HPD: variants seen among roughly 807,000 people sequenced by gnomAD.
HPD encodes 4-hydroxyphenylpyruvic acid oxidase.
Under a neutral mutation model 56.9 loss-of-function variants are expected in HPD, and 35 were observed. That is an observed-to-expected ratio of 0.62 (90% CI 0.47 to 0.82). The LOEUF is 0.82. Ranked by LOEUF, HPD falls within the 40% of genes least tolerant of loss-of-function variation. The pLI is 0.00. For synonymous variants in HPD, 186 were observed against 200.2 expected, an observed-to-expected ratio of 0.93 and a Z score of 0.60; for missense variants, 442 against 506.8, an observed-to-expected ratio of 0.87 and a Z score of 1.23.
At chr12:121,879,666 C>T in the HPD span, among the ~76,000 whole-genome samples, 3 of 152,070 alleles carry the variant, frequency 2.0e-5, no homozygotes, top group East Asian at 3.8e-4. Flanking sequence ...CACCACCATG[C>T]CTGGCCCACA....
chr12:121,864,180 G>C (rs1013200966), upstream of HPD, among the ~76,000 whole-genome samples: 4 of 151,794 alleles, frequency 2.6e-5, no homozygotes, highest in African/African-American at 9.7e-5. Context: ...CGGGAGGCAG[G>C]GTTCATTGAG....
the HPD span, among the ~76,000 whole-genome samples, chr12:121,878,389 C>T: frequency 6.6e-6 from 1 of 152,168 alleles, no homozygotes; most frequent in African/African-American, 2.4e-5. Context: ...CACTCTGTCG[C>T]CCAGGCTGGG....
chr12:121,873,358 G>C, the HPD span, among the ~76,000 whole-genome samples: 1 of 152,142 alleles, frequency 6.6e-6, no homozygotes, highest in Non-Finnish European at 1.5e-5. Flanking sequence ...TTGAGCAAGG[G>C]AGTAGAGAGG....
chr12:121,865,855 G>A (rs539221554), upstream of HPD, among the ~76,000 whole-genome samples: 3 of 151,886 alleles, frequency 2.0e-5, no homozygotes, highest in Admixed American at 1.3e-4. Context: ...TGGGCGTAGT[G>A]TTGGGCGCCT....
chr12:121,854,941 T>C (rs1187470622), intron 6 of HPD, 149 bp from the exon 7 acceptor site: 2 of 698,008 alleles, frequency 2.9e-6, no homozygotes, highest in East Asian at 5.5e-5. Context: ...GCTTCAGCCA[T>C]TACCCCCAAT....
chr12:121,861,783 A>G (rs1237346550), upstream of HPD, among the ~76,000 whole-genome samples: 2 of 152,214 alleles, frequency 1.3e-5, no homozygotes, highest in Non-Finnish European at 2.9e-5. Context: ...ACAGACTTAA[A>G]GGGCTTAAGA....
At chr12:121,855,850 A>T (rs1341825612) in intron 6 of HPD, among the ~76,000 whole-genome samples, 1 of 151,842 alleles carries the variant, frequency 6.6e-6, no homozygotes, top group Non-Finnish European at 1.5e-5. Flanking sequence ...CATGCCTGTA[A>T]TCCTAGCTAC....
intron 12 of HPD, among the ~76,000 whole-genome samples, chr12:121,840,992 G>A (rs1353600574): frequency 6.6e-6 from 1 of 151,914 alleles, no homozygotes; most frequent in Non-Finnish European, 1.5e-5. Context: ...TCAGGAGTTC[G>A]AGACCAGCCT....
the HPD span, among the ~76,000 whole-genome samples, chr12:121,882,096 T>C: frequency 6.6e-6 from 1 of 151,892 alleles, no homozygotes; most frequent in Non-Finnish European, 1.5e-5. Flanking sequence ...AAGCAACTAA[T>C]TTACAATTCT....
the HPD span, among the ~76,000 whole-genome samples, chr12:121,878,004 G>A: frequency 6.6e-6 from 1 of 152,186 alleles, no homozygotes; most frequent in Non-Finnish European, 1.5e-5. Flanking sequence ...GCAGACTGGT[G>A]GCTGCCGGGC....
intron 7 of HPD, among the ~76,000 whole-genome samples, chr12:121,850,291 G>A (rs886371568): frequency 3.3e-5 from 5 of 151,628 alleles, no homozygotes; most frequent in African/African-American, 7.3e-5. Context: ...GTGTGGTGGC[G>A]TGGCGGGTGC....
Position 121,840,091 on chromosome 12 carries a change from G to T in HPD, c.955-43C>A, listed in dbSNP as rs752739025. 3.7e-6 allele frequency: 5 copies of T among 1,346,682 alleles called. No homozygotes were observed. The South Asian group carries it at 5.8e-5, about 16-fold the overall frequency. The allele number at this position is 1,346,682 out of a possible 1,614,324, so 83.4% of individuals were successfully genotyped here. ...GGCTCTGCTAGGGGAGGCTGGCACG[G>T]TGAGATCCTTGGAAAGTCCACAGGG... is the stretch of plus-strand genomic sequence containing the variant. On this transcript the variant is annotated intron_variant, in intron 12 of 13. Transcript: ENST00000289004.
upstream of HPD, among the ~76,000 whole-genome samples, chr12:121,864,570 A>AAG (rs1878271924): frequency 6.9e-6 from 1 of 145,620 alleles, no homozygotes; most frequent in African/African-American, 2.6e-5. Context: ...AAAAAAAAAA[A>AAG]TGGCCGGGCG....
the HPD span, among the ~76,000 whole-genome samples, chr12:121,877,399 C>T: frequency 6.6e-6 from 1 of 152,220 alleles, no homozygotes; most frequent in East Asian, 1.9e-4. Context: ...CTGCTGGCCA[C>T]AGACCTGAAA....
At chr12:121,852,512 G>T (rs768608848) in intron 7 of HPD, among the ~76,000 whole-genome samples, 4 of 149,826 alleles carry the variant, frequency 2.7e-5, no homozygotes, top group Non-Finnish European at 5.9e-5. Flanking sequence ...AGCTATGATT[G>T]TCTCTGTATT....
chr12:121,888,358 C>A, the HPD span, among the ~76,000 whole-genome samples: 42 of 152,084 alleles, frequency 2.8e-4, no homozygotes, highest in Admixed American at 5.9e-4. Flanking sequence ...CACAGATTGC[C>A]GTTAAGTGGC....
At position 121,857,832 on chromosome 12, in the gene HPD, A is replaced by G. The variant is rs1878061863; in HGVS notation, c.31-13T>C. 6.2e-7 allele frequency: 1 copy of G among 1,610,998 alleles called. No individual in the cohort carries two copies. Among genetic ancestry groups the G allele is most frequent in the Non-Finnish European group, 8.5e-7 (1 of 1,177,360 alleles). On this transcript the variant is annotated splice_polypyrimidine_tract_variant and intron_variant, in intron 2 of 13. Transcript: ENST00000289004. ...GGCCTCTCTCAGGCTGCAGAAGGAG[A>G]GAAGAGGTGAGGTTGAGTCCCTGAA...
chr12:121,869,811 C>T, the HPD span, among the ~76,000 whole-genome samples: 1 of 152,224 alleles, frequency 6.6e-6, no homozygotes, highest in African/African-American at 2.4e-5. Flanking sequence ...TGGCGTGAGC[C>T]ACCATGCCTG....
At chr12:121,871,289 C>T in the HPD span, among the ~76,000 whole-genome samples, 1 of 151,870 alleles carries the variant, frequency 6.6e-6, no homozygotes, top group African/African-American at 2.4e-5. Flanking sequence ...CGATTGAGCC[C>T]AGGAGGTTGA....
Sources: gnomAD v4.1 joint callset for allele counts (sites outside exome capture counted in the v4.1 genomes callset) on GRCh38, gnomAD v4.1.1 for gene constraint, MANE v1.5 for transcripts, NCBI Gene and HGNC (gene_info 2026-07-23, HGNC 2026-07-21) for gene names.